CAPN3: variants seen among roughly 807,000 people sequenced by gnomAD.
CAPN3 encodes calpain-3.
Under a neutral mutation model 114.0 loss-of-function variants are expected in CAPN3, and 88 were observed. The observed-to-expected ratio is 0.77, with a 90% CI of 0.65 to 0.92. The LOEUF (loss-of-function observed/expected upper bound fraction) is 0.92. Among genes scored for constraint, CAPN3 ranks in the 40% least tolerant of loss-of-function variants. The pLI, the probability that CAPN3 is intolerant of heterozygous loss-of-function variation, is 0.00. For missense variants in CAPN3, 1,028 were observed against 1,069.0 expected (o/e 0.96, Z 0.53); for synonymous variants, 386 against 382.9 (o/e 1.01, Z -0.09).
chr15:42,380,354 CTCT>C (rs1357665910), intron 1 of CAPN3, among the ~76,000 whole-genome samples: 1 of 142,152 alleles, frequency 7.0e-6, no homozygotes, highest in Non-Finnish European at 1.5e-5. Context: ...ATCCTTTTAC[CTCT>C]TCTTTTTTGT....
chr15:42,359,682 A>G lies in CAPN3; in HGVS notation c.-124A>G. 3.2e-6 allele frequency: 5 copies of G among 1,563,536 alleles called. No homozygotes were observed. The South Asian group carries it at 4.9e-5, about 15-fold the overall frequency. On this transcript the variant is annotated 5_prime_UTR_variant, in exon 1 of 24. It removes an upstream start codon present in the reference 5' UTR. Transcript: ENST00000397163. Reference sequence around the variant, plus strand: ...TGATGGGCTTTCAACTTTGAACTGGATGTGGACACTTTTCTCTCAGATGAC... The same window carrying G: ...TGATGGGCTTTCAACTTTGAACTGGGTGTGGACACTTTTCTCTCAGATGAC...
chr15:42,395,003 G>A (rs559484148), intron 8 of CAPN3, among the ~76,000 whole-genome samples: 2 of 152,148 alleles, frequency 1.3e-5, no homozygotes, highest in Admixed American at 6.5e-5. Context: ...CTCTTATTTC[G>A]AGAGGGGGAT....
At chr15:42,385,445 C>T (rs1225677248) in intron 2 of CAPN3, among the ~76,000 whole-genome samples, 1 of 151,978 alleles carries the variant, frequency 6.6e-6, no homozygotes, top group Non-Finnish European at 1.5e-5. Flanking sequence ...CCTGCACACT[C>T]TCAGTTGCAT....
intron 14 of CAPN3, chr15:42,404,158 G>T (rs1012942101): frequency 2.2e-6 from 1 of 461,848 alleles, no homozygotes; most frequent in Admixed American, 2.3e-5. Context: ...GCCGGACCTG[G>T]TGTTGACACT....
At position 42,401,752 on chromosome 15, in the gene CAPN3, G is replaced by C; in HGVS notation, c.1466G>C (p.Arg489Pro). The C allele has an allele frequency of 6.2e-7, 1 of 1,614,020 alleles. No homozygotes were observed. Among genetic ancestry groups the C allele is most frequent in the Non-Finnish European group, 8.5e-7 (1 of 1,179,954 alleles). Residue 489 changes from arginine (R) to proline (P), a missense_variant, in exon 11 of 24, where the codon CGG (arginine) becomes CCG (proline). Physicochemically the swap from Arg to Pro is moderately radical, Grantham distance 103. Coordinates refer to ENST00000397163, the MANE Select transcript of CAPN3 (RefSeq NM_000070.3). ...CTGGTGGCCCTGATGCAGAAGAACCGGCGGAAGGACCGGAAGCTAGGGGCC... is the reference window on the plus strand; with the variant it reads ...CTGGTGGCCCTGATGCAGAAGAACCCGCGGAAGGACCGGAAGCTAGGGGCC... ...SFLVALMQKN[R>P]RKDRKLGASL... is the part of the protein sequence containing the mutation.
intron 6 of CAPN3, 50 bp from the exon 7 acceptor site, chr15:42,392,589 G>T: frequency 6.9e-7 from 1 of 1,444,106 alleles, no homozygotes; most frequent in South Asian, 1.2e-5. Flanking sequence ...CCAAGCAGCA[G>T]AACTTCTGTT....
chr15:42,404,157 G>A (rs2053956156), intron 14 of CAPN3: 1 of 461,888 alleles, frequency 2.2e-6, no homozygotes, highest in Non-Finnish European at 4.3e-6. Flanking sequence ...TGCCGGACCT[G>A]GTGTTGACAC....
intron 10 of CAPN3, among the ~76,000 whole-genome samples, chr15:42,401,050 C>T (rs775878226): frequency 1.4e-4 from 21 of 151,860 alleles, no homozygotes; most frequent in Non-Finnish European, 1.9e-4. Context: ...AAAAATTAAC[C>T]GGGGATGATG....
intron 1 of CAPN3, among the ~76,000 whole-genome samples, chr15:42,377,872 T>A (rs576471221): frequency 7.9e-5 from 12 of 152,224 alleles, no homozygotes; most frequent in Non-Finnish European, 1.6e-4. Context: ...TCAGATTATC[T>A]AATCCTCGAA....
Position 42,389,121 on chromosome 15 carries a change from G to A in CAPN3, c.801+25G>A, listed in dbSNP as rs753273470. ...TGTAAGTCTGGGGTGTGGGGCACAG[G>A]GTGGGGAGCTCCAAGTGTCAGGAAG... On this transcript the variant is annotated intron_variant, in intron 5 of 23. Transcript: ENST00000397163. 4 of 1,611,922 alleles carry A rather than the reference G, an allele frequency of 2.5e-6. No homozygotes were observed. In the Admixed American group the frequency reaches 6.7e-5, roughly 27 times the overall value.
Position 42,402,776 on chromosome 15 carries a change from G to C in CAPN3, c.1537-18G>C. On this transcript the variant is annotated intron_variant, in intron 12 of 23. Coordinates refer to ENST00000397163, the MANE Select transcript of CAPN3 (RefSeq NM_000070.3). The stretch of plus-strand genomic sequence containing the variant: ...CTCCCGAGGGGCTCATGTGCCCTGG[G>C]CTCTCCCCATCTCTCAGATGCACGG... The C allele has an allele frequency of 6.2e-7, 1 of 1,613,152 alleles. No homozygotes were observed.
At chr15:42,381,822 G>T (rs1054033159) in intron 1 of CAPN3, among the ~76,000 whole-genome samples, 1 of 152,198 alleles carries the variant, frequency 6.6e-6, no homozygotes, top group Admixed American at 6.5e-5. Flanking sequence ...ACAGGTGTGA[G>T]TCATTGCACC....
chr15:42,403,281 A>G (rs955459903), intron 13 of CAPN3, among the ~76,000 whole-genome samples: 1 of 152,256 alleles, frequency 6.6e-6, no homozygotes, highest in Admixed American at 6.5e-5. Flanking sequence ...ACATGAGACA[A>G]TAATGGATAG....
At chr15:42,375,643 A>G (rs1367616722) in intron 1 of CAPN3, among the ~76,000 whole-genome samples, 1 of 152,234 alleles carries the variant, frequency 6.6e-6, no homozygotes, top group Non-Finnish European at 1.5e-5. Context: ...AAGTATTTAT[A>G]TCTATTTTTT....
Position 42,396,828 on chromosome 15 carries a change from G to A in CAPN3, c.1144G>A (p.Asp382Asn). ...GAAGGACTGGAGCTTTGTGGACAAAGATGAGAAGGCCCGTCTGCAGCACCA... is the reference window on the plus strand; with the variant it reads ...GAAGGACTGGAGCTTTGTGGACAAAAATGAGAAGGCCCGTCTGCAGCACCA... ...RWKDWSFVDK[D>N]EKARLQHQVT... The change falls in exon 9 of 24, where the codon GAT (aspartate) becomes AAT (asparagine). Residue 382 changes from aspartate (D) to asparagine (N), a missense_variant. By Grantham distance (23) the Asp-to-Asn change is conservative. Coordinates refer to ENST00000397163, the MANE Select transcript of CAPN3 (RefSeq NM_000070.3). 2.5e-6 allele frequency: 4 copies of A among 1,614,120 alleles called. No homozygotes were observed. Among genetic ancestry groups the A allele is most frequent in the Non-Finnish European group, 2.5e-6 (3 of 1,179,978 alleles).
chr15:42,400,141 C>G (rs1392016569), intron 10 of CAPN3, among the ~76,000 whole-genome samples: 2 of 152,160 alleles, frequency 1.3e-5, no homozygotes, highest in Non-Finnish European at 1.5e-5. Flanking sequence ...ACTCGAAATC[C>G]AGTTTCTACT....
At chr15:42,389,912 C>T (rs2141170045) in intron 5 of CAPN3, 41 bp from the exon 6 acceptor site, 1 of 1,611,208 alleles carries the variant, frequency 6.2e-7, no homozygotes, top group Non-Finnish European at 8.5e-7. Flanking sequence ...TTGTTCTCTC[C>T]CTCCCCTGTG....
Position 42,399,672 on chromosome 15 carries a change from G to A in CAPN3, c.1354+20G>A. On this transcript the variant is annotated intron_variant, in intron 10 of 23. Coordinates refer to ENST00000397163, the MANE Select transcript of CAPN3 (RefSeq NM_000070.3). ...TCCCAGGTGGGAGATGCTCTTGATG[G>A]GGGGAGGGTCTAAGCCGAAAAAGTT... is the stretch of plus-strand genomic sequence containing the variant. 6.3e-7 allele frequency: 1 copy of A among 1,582,580 alleles called. No homozygotes were observed. Among genetic ancestry groups the A allele is most frequent in the Admixed American group, 1.8e-5 (1 of 54,964 alleles).
intron 1 of CAPN3, among the ~76,000 whole-genome samples, chr15:42,377,188 G>A (rs2053112199): frequency 1.3e-5 from 2 of 151,968 alleles, no homozygotes; most frequent in Admixed American, 6.6e-5. Flanking sequence ...GCATTAGCTA[G>A]GACTTCCAGT....
Sources: allele counts gnomAD v4.1 joint callset (sites outside exome capture counted in the v4.1 genomes callset), GRCh38; gene constraint gnomAD v4.1.1; transcripts MANE v1.5; gene names NCBI Gene and HGNC (gene_info 2026-07-23, HGNC 2026-07-21).